PIWIL1: variants seen among roughly 807,000 people sequenced by gnomAD.
The protein encoded by PIWIL1 is piwi-like protein 1.
In PIWIL1, 73 loss-of-function variants were observed where a neutral mutation model predicts 114.4. The observed-to-expected ratio is 0.64, with a 90% confidence interval of 0.53 to 0.78. The LOEUF (loss-of-function observed/expected upper bound fraction) is 0.78. Among genes scored for constraint, PIWIL1 ranks in the 30% least tolerant of loss-of-function variants. PIWIL1 has a pLI of 0.00. For synonymous variants in PIWIL1, 375 were observed against 369.0 expected (o/e 1.02, Z -0.19); for missense variants, 723 against 1,063.1 (o/e 0.68, Z 4.45).
At chr12:130,385,405 G>A in the PIWIL1 span, among the ~76,000 whole-genome samples, 4 of 152,176 alleles carry the variant, frequency 2.6e-5, no homozygotes, top group Admixed American at 6.5e-5. Flanking sequence ...CAGTTCATTT[G>A]CTGTGCTGCT....
At chr12:130,347,147 G>A in intron 6 of PIWIL1, 85 bp downstream of exon 6, 1 of 1,018,854 alleles carries the variant, frequency 9.8e-7, no homozygotes, top group South Asian at 1.5e-5. Context: ...AGTTCTCCTA[G>A]ATTTTCAGCA....
chr12:130,377,387 G>A (rs2073875299), downstream of PIWIL1, among the ~76,000 whole-genome samples: 2 of 152,170 alleles, frequency 1.3e-5, no homozygotes, highest in Admixed American at 1.3e-4. Context: ...CGGTCACCAG[G>A]GAGCTCTAGC....
the PIWIL1 span, among the ~76,000 whole-genome samples, chr12:130,423,326 C>T: frequency 5.9e-5 from 9 of 152,264 alleles, no homozygotes; most frequent in Middle Eastern, 3.4e-3. Flanking sequence ...TGCGGGCTGC[C>T]GTGGGCGGCT....
chr12:130,423,111 C>T, the PIWIL1 span, among the ~76,000 whole-genome samples: 15 of 152,178 alleles, frequency 9.9e-5, no homozygotes, highest in South Asian at 4.1e-4. Context: ...AGGACTCAGA[C>T]GGGTCTCCTT....
At chr12:130,408,226 T>A in the PIWIL1 span, among the ~76,000 whole-genome samples, 1 of 152,156 alleles carries the variant, frequency 6.6e-6, no homozygotes, top group Non-Finnish European at 1.5e-5. Flanking sequence ...GAAGGCCCCA[T>A]AGACACAGTT....
At chr12:130,422,365 C>T in the PIWIL1 span, 1 of 820,110 alleles carries the variant, frequency 1.2e-6, no homozygotes, top group Non-Finnish European at 1.9e-6. The surrounding 1 kb of genome is among the most constrained non-coding windows in gnomAD (Gnocchi z 5.2). Flanking sequence ...GAAAATGCTA[C>T]TCCTAAAGTT....
rs757918667 is a variant in PIWIL1 at position 130,362,779 on chromosome 12, T to C, written c.1984T>C (p.Cys662Arg). 1 of 1,614,134 alleles carries C rather than the reference T, an allele frequency of 6.2e-7. No individual in the cohort carries two copies. The highest frequency in any genetic ancestry group is 1.3e-5 in the African/African-American group (1 of 75,062). ...NEGMTRWFSRCIFQDRGQELV... is the reference protein window; with the variant it reads ...NEGMTRWFSRRIFQDRGQELV... The stretch of plus-strand genomic sequence containing the variant: ...TTCTCTGAATAGCTGGTTCTCACGC[T>C]GCATATTTCAGGATAGAGGACAGGA... Residue 662 changes from cysteine (C) to arginine (R), a missense_variant, in exon 17 of 21, where the codon TGC (cysteine) becomes CGC (arginine). Coordinates refer to ENST00000245255, the MANE Select transcript of PIWIL1 (RefSeq NM_004764.5).
At chr12:130,399,828 G>T in the PIWIL1 span, 2 of 1,613,698 alleles carry the variant, frequency 1.2e-6, no homozygotes, top group South Asian at 1.1e-5. Context: ...AACACCAGGG[G>T]TGAGGCAGAA....
intron 14 of PIWIL1, among the ~76,000 whole-genome samples, chr12:130,358,440 A>C (rs1349113985): frequency 2.0e-5 from 3 of 152,310 alleles, no homozygotes; most frequent in South Asian, 2.1e-4. Context: ...ATCTTCATCA[A>C]GTGCTTCTGG....
the PIWIL1 span, chr12:130,396,822 C>G: frequency 6.6e-6 from 1 of 152,574 alleles, no homozygotes; most frequent in South Asian, 2.1e-4. Context: ...GATCTCAAAC[C>G]ACTGTGTCAG....
the PIWIL1 span, among the ~76,000 whole-genome samples, chr12:130,401,066 A>AGGG: frequency 3.9e-3 from 601 of 152,292 alleles, 4 homozygotes; most frequent in African/African-American, 0.014. Context: ...TGTTTGCACA[A>AGGG]TGTAAACATA....
At chr12:130,379,027 A>G in the PIWIL1 span, among the ~76,000 whole-genome samples, 3 of 152,238 alleles carry the variant, frequency 2.0e-5, no homozygotes, top group Admixed American at 6.5e-5. Flanking sequence ...TGCTTCATGC[A>G]TGGTTGAAAA....
chr12:130,390,498 C>T, the PIWIL1 span, among the ~76,000 whole-genome samples: 140 of 152,308 alleles, frequency 9.2e-4, no homozygotes, highest in Non-Finnish European at 1.7e-3. Flanking sequence ...TAAAGGACTC[C>T]GGGGTCCCTC....
chr12:130,397,186 C>T, the PIWIL1 span: 5 of 368,646 alleles, frequency 1.4e-5, no homozygotes, highest in East Asian at 7.7e-5. Context: ...AGAGAGCAAC[C>T]GCTCCTCTTT....
At chr12:130,386,035 G>A in the PIWIL1 span, among the ~76,000 whole-genome samples, 8,634 of 152,172 alleles carry the variant, frequency 0.057, 825 homozygotes, top group African/African-American at 0.2. Context: ...CCCTGTGCAG[G>A]TCTGTCCAAA....
chr12:130,383,313 C>A, the PIWIL1 span: 3 of 152,144 alleles, frequency 2.0e-5, no homozygotes, highest in Non-Finnish European at 4.4e-5. Context: ...GAGACGTGTT[C>A]CCTATGAGAA....
chr12:130,403,845 A>G, the PIWIL1 span, among the ~76,000 whole-genome samples: 5 of 152,214 alleles, frequency 3.3e-5, no homozygotes, highest in African/African-American at 4.8e-5. Flanking sequence ...TAAAAATATT[A>G]TATATGATGG....
the PIWIL1 span, chr12:130,399,277 A>G: frequency 3.8e-6 from 2 of 523,598 alleles, no homozygotes; most frequent in Non-Finnish European, 5.7e-6. Context: ...ATGTAGTCTA[A>G]TAGTTCAATA....
At chr12:130,385,498 AT>A in the PIWIL1 span, among the ~76,000 whole-genome samples, 2 of 152,140 alleles carry the variant, frequency 1.3e-5, no homozygotes, top group African/African-American at 4.8e-5. Flanking sequence ...ACTCAAATAT[AT>A]TTTTAACTTA....
Sources: allele counts gnomAD v4.1 joint callset (sites outside exome capture counted in the v4.1 genomes callset), GRCh38; gene constraint gnomAD v4.1.1; non-coding constraint Gnocchi (gnomAD v3.1); transcripts MANE v1.5; gene names NCBI Gene and HGNC (gene_info 2026-07-23, HGNC 2026-07-21).